Variants in KLF12 observed in about 807,000 individuals in gnomAD.
KLF12 encodes the protein KLF transcription factor 12.
A neutral mutation model predicts 37.8 loss-of-function variants in KLF12; 9 were observed. The ratio of observed to expected loss-of-function variants is 0.24; its 90% CI spans 0.14 to 0.42. The LOEUF is 0.42. Among genes scored for constraint, KLF12 ranks in the 10% least tolerant of loss-of-function variants. The pLI is 1.00. For synonymous variants in KLF12, 208 were observed against 202.1 expected (o/e 1.03, Z -0.25); for missense variants, 411 against 516.0 (o/e 0.80, Z 1.97).
chr13:74,044,004 A>G (rs1009646247), intron 1 of KLF12, among the ~76,000 whole-genome samples: 2 of 152,272 alleles, frequency 1.3e-5, no homozygotes, highest in Non-Finnish European at 2.9e-5. Context: ...AAAAACAAAA[A>G]GAATGATATG....
intron 1 of KLF12, among the ~76,000 whole-genome samples, chr13:74,014,265 C>T (rs1264811023): frequency 6.6e-6 from 1 of 152,146 alleles, no homozygotes; most frequent in Non-Finnish European, 1.5e-5. Context: ...ATAGAGGACA[C>T]CCCACTACCA....
intron 3 of KLF12, among the ~76,000 whole-genome samples, chr13:73,912,878 A>T (rs1258838341): frequency 6.6e-6 from 1 of 152,130 alleles, no homozygotes; most frequent in Non-Finnish European, 1.5e-5. Context: ...CCTCACTCAC[A>T]GCATGAAGCT....
the KLF12 span, among the ~76,000 whole-genome samples, chr13:74,152,257 T>C: frequency 6.6e-6 from 1 of 152,330 alleles, no homozygotes; most frequent in Non-Finnish European, 1.5e-5. Context: ...ATACTAAGTT[T>C]CTCATTATTA....
At chr13:73,906,593 A>T (rs2139121280) in intron 3 of KLF12, among the ~76,000 whole-genome samples, 1 of 152,354 alleles carries the variant, frequency 6.6e-6, no homozygotes, top group East Asian at 1.9e-4. Flanking sequence ...TTCTTTAAAT[A>T]AGTACATACA....
At chr13:73,945,822 T>C (rs1017951847) in intron 2 of KLF12, among the ~76,000 whole-genome samples, 1 of 152,190 alleles carries the variant, frequency 6.6e-6, no homozygotes, top group East Asian at 1.9e-4. Flanking sequence ...TTTTGACTTG[T>C]CCCTTTTTTC....
At chr13:74,260,574 TA>T in the KLF12 span, among the ~76,000 whole-genome samples, 1 of 100,318 alleles carries the variant, frequency 1.0e-5, no homozygotes, top group African/African-American at 5.6e-5. Context: ...TAAAATAAAA[TA>T]AATAAAATAA....
intron 1 of KLF12, among the ~76,000 whole-genome samples, chr13:74,101,636 T>C (rs1414024035): frequency 6.6e-6 from 1 of 152,260 alleles, no homozygotes; most frequent in East Asian, 1.9e-4. Flanking sequence ...AATAAGGAAG[T>C]GCTGAAAGAC....
chr13:73,802,432 TC>T (rs1259194293), intron 5 of KLF12, among the ~76,000 whole-genome samples: 1 of 152,190 alleles, frequency 6.6e-6, no homozygotes, highest in Admixed American at 6.5e-5. Flanking sequence ...CTTCAAAAAA[TC>T]ACCTTTTAGT....
At chr13:73,838,384 T>C (rs1205549273) in intron 4 of KLF12, among the ~76,000 whole-genome samples, 1 of 152,178 alleles carries the variant, frequency 6.6e-6, no homozygotes, top group Non-Finnish European at 1.5e-5. Flanking sequence ...GGAGGATTCT[T>C]CACCGTGTGT....
Position 73,904,469 on chromosome 13 carries a change from C to CTTTTTTTTTTTTTTTTTTT in KLF12, c.123+39493_123+39511dup, listed in dbSNP as rs11342071. ...CAGTTTCTCATGTTTTCTTTCTTTC[C>CTTTTTTTTTTTTTTTTTTT]TTTTTTTTTTTTTTTTTTTTTTTAC... On this transcript the variant is annotated intron_variant, in intron 3 of 7. Coordinates refer to ENST00000377669, the MANE Select transcript of KLF12 (RefSeq NM_007249.5). 3.8e-4 allele frequency among the ~76,000 whole-genome samples: 35 copies of CTTTTTTTTTTTTTTTTTTT among 91,986 alleles called. 1 individual carries two copies. Among genetic ancestry groups the CTTTTTTTTTTTTTTTTTTT allele is most frequent in the Non-Finnish European group, 4.6e-4 (22 of 48,320 alleles). 60.3% of individuals were successfully genotyped at this position (91,986 alleles called of 152,430 possible).
the KLF12 span, among the ~76,000 whole-genome samples, chr13:74,305,687 T>G: frequency 6.6e-6 from 1 of 152,198 alleles, no homozygotes; most frequent in African/African-American, 2.4e-5. Context: ...ATCTCTCTAG[T>G]AAAACTTGTT....
At chr13:73,713,950 T>A (rs1228673376) in intron 7 of KLF12, among the ~76,000 whole-genome samples, 2 of 152,212 alleles carry the variant, frequency 1.3e-5, no homozygotes, top group Admixed American at 6.5e-5. Flanking sequence ...GTCAGTAATA[T>A]GGTCTAATCA....
At chr13:73,860,791 T>C (rs1225461553) in intron 3 of KLF12, among the ~76,000 whole-genome samples, 1 of 152,188 alleles carries the variant, frequency 6.6e-6, no homozygotes, top group Non-Finnish European at 1.5e-5. Context: ...ATATATTAAC[T>C]TATTATAACA....
the KLF12 span, among the ~76,000 whole-genome samples, chr13:74,273,208 A>G: frequency 6.6e-6 from 1 of 152,318 alleles, no homozygotes; most frequent in East Asian, 1.9e-4. Flanking sequence ...AACTACAGAA[A>G]CAATGCCAGA....
intron 1 of KLF12, among the ~76,000 whole-genome samples, chr13:74,011,891 A>C (rs1892560770): frequency 6.6e-6 from 1 of 152,174 alleles, no homozygotes; most frequent in Non-Finnish European, 1.5e-5. Flanking sequence ...ATGTCTTTTC[A>C]CTATGGTGAT....
the KLF12 span, among the ~76,000 whole-genome samples, chr13:74,144,968 C>T: frequency 6.6e-4 from 101 of 152,166 alleles, no homozygotes; most frequent in African/African-American, 2.3e-3. Flanking sequence ...ACCCACCCCA[C>T]CCCAAACTAA....
the KLF12 span, among the ~76,000 whole-genome samples, chr13:74,291,018 A>G: frequency 6.6e-6 from 1 of 152,214 alleles, no homozygotes. Flanking sequence ...CACTTATTCT[A>G]CAACAACAAT....
At chr13:73,806,292 T>C (rs1399917542) in intron 5 of KLF12, among the ~76,000 whole-genome samples, 3 of 151,878 alleles carry the variant, frequency 2.0e-5, no homozygotes, top group Admixed American at 6.6e-5. Flanking sequence ...TTAGTAGAGA[T>C]GGGATTTCAC....
chr13:73,732,819 C>G (rs979331364), intron 6 of KLF12, among the ~76,000 whole-genome samples: 22 of 152,084 alleles, frequency 1.4e-4, no homozygotes, highest in African/African-American at 5.1e-4. Context: ...GTGTGTCAAG[C>G]AGATAACTCT....
Sources: gnomAD v4.1 joint callset for allele counts (sites outside exome capture counted in the v4.1 genomes callset) on GRCh38, gnomAD v4.1.1 for gene constraint, MANE v1.5 for transcripts, NCBI Gene and HGNC (gene_info 2026-07-23, HGNC 2026-07-21) for gene names.